RBFOX1: variants seen among roughly 807,000 people sequenced by gnomAD.
RBFOX1 encodes RNA binding fox-1 homolog 1.
RBFOX1 carries 8 observed loss-of-function variants against 57.7 expected under a neutral mutation model. The observed-to-expected ratio is 0.14, with a 90% confidence interval of 0.08 to 0.25. The LOEUF is 0.25. RBFOX1 is among the 10% of genes least tolerant of loss of function. The pLI, the probability that RBFOX1 is intolerant of heterozygous loss-of-function variation, is 1.00. For synonymous variants in RBFOX1, 326 were observed against 222.4 expected (o/e 1.47, Z -4.15); for missense variants, 611 against 548.5 (o/e 1.11, Z -1.14).
At chr16:5,997,367 CTT>C (rs1235473402) in intron 4 of RBFOX1, among the ~76,000 whole-genome samples, 2 of 152,182 alleles carry the variant, frequency 1.3e-5, no homozygotes, top group African/African-American at 2.4e-5. Flanking sequence ...TTGGTTTAGA[CTT>C]GAGTCTGAAA....
intron 3 of RBFOX1, among the ~76,000 whole-genome samples, chr16:7,026,291 C>T (rs1425162548): frequency 1.3e-5 from 2 of 152,164 alleles, no homozygotes; most frequent in Non-Finnish European, 2.9e-5. Context: ...TGGAGATTGC[C>T]ACCAGGCCAT....
At chr16:6,861,609 A>C (rs989772395) in intron 3 of RBFOX1, among the ~76,000 whole-genome samples, 2 of 151,926 alleles carry the variant, frequency 1.3e-5, no homozygotes, top group Non-Finnish European at 2.9e-5. Context: ...GTTCCAGTAA[A>C]CAGCCTCTAC....
rs182239924 is a variant in RBFOX1, at chr16:7,043,841, C to G, written c.-15-8216C>G. Among the ~76,000 whole-genome samples, 28 of 152,368 alleles carry G rather than the reference C, an allele frequency of 1.8e-4. 1 individual carries two copies. The highest frequency in any genetic ancestry group is 3.4e-3 in the Middle Eastern group (1 of 294). On this transcript the variant is annotated intron_variant, in intron 3 of 15. Coordinates refer to ENST00000550418, the MANE Select transcript of RBFOX1 (RefSeq NM_018723.4). ...TATTCAATTACTGCACTTCCATAAT[C>G]TCACTGAGCTTTCCACACATCCTCC...
At chr16:7,153,307 T>G (rs940152226) in intron 4 of RBFOX1, among the ~76,000 whole-genome samples, 1 of 152,216 alleles carries the variant, frequency 6.6e-6, no homozygotes, top group Non-Finnish European at 1.5e-5. Flanking sequence ...TTTATTGATT[T>G]ATTTCATTTG....
chr16:5,817,387 G>A (rs983132333), intron 3 of RBFOX1, among the ~76,000 whole-genome samples: 37 of 152,182 alleles, frequency 2.4e-4, no homozygotes, highest in Non-Finnish European at 4.4e-4. Flanking sequence ...TCCCATTCGT[G>A]GTTGGAGTTT....
chr16:6,442,820 G>T (rs1268583530), intron 2 of RBFOX1, among the ~76,000 whole-genome samples: 1 of 152,226 alleles, frequency 6.6e-6, no homozygotes, highest in African/African-American at 2.4e-5. Flanking sequence ...CAAGGGAGTA[G>T]TCAGATTCAT....
chr16:6,252,514 G>A (rs886832584), intron 1 of RBFOX1, among the ~76,000 whole-genome samples: 6 of 151,516 alleles, frequency 4.0e-5, no homozygotes, highest in Non-Finnish European at 8.8e-5. Flanking sequence ...AATTGAGTTG[G>A]GAAGTCGACC....
chr16:5,799,348 A>T (rs1344028755), intron 3 of RBFOX1, among the ~76,000 whole-genome samples: 1 of 152,136 alleles, frequency 6.6e-6, no homozygotes, highest in Non-Finnish European at 1.5e-5. Context: ...ACATAGCCAA[A>T]CCATATCAAG....
chr16:6,879,730 C>A (rs996486923), intron 3 of RBFOX1, among the ~76,000 whole-genome samples: 3 of 152,112 alleles, frequency 2.0e-5, no homozygotes, highest in African/African-American at 7.2e-5. Flanking sequence ...TAAATTCTAC[C>A]TCTGGATCCT....
intron 4 of RBFOX1, among the ~76,000 whole-genome samples, chr16:7,081,533 G>A (rs776622759): frequency 3.3e-5 from 5 of 152,124 alleles, no homozygotes; most frequent in Non-Finnish European, 7.4e-5. Context: ...CACTAATGAT[G>A]GGAATGAGAG....
At chr16:7,198,867 G>C (rs1165445824) in intron 4 of RBFOX1, among the ~76,000 whole-genome samples, 1 of 152,200 alleles carries the variant, frequency 6.6e-6, no homozygotes, top group Non-Finnish European at 1.5e-5. Context: ...CACTATCAGA[G>C]GCAAAATATA....
chr16:6,355,286 C>T (rs1162450498), intron 2 of RBFOX1, among the ~76,000 whole-genome samples: 3 of 151,888 alleles, frequency 2.0e-5, no homozygotes, highest in East Asian at 1.9e-4. Context: ...ACTCCCCCAG[C>T]CCCCCAGCCC....
intron 3 of RBFOX1, among the ~76,000 whole-genome samples, chr16:5,664,124 T>A (rs948477095): frequency 6.6e-6 from 1 of 152,240 alleles, no homozygotes; most frequent in Non-Finnish European, 1.5e-5. Flanking sequence ...ATAGCTGCTG[T>A]GTCTGCTTCA....
At chr16:7,033,476 C>T (rs894005396) in intron 3 of RBFOX1, among the ~76,000 whole-genome samples, 19 of 152,198 alleles carry the variant, frequency 1.2e-4, no homozygotes, top group East Asian at 3.9e-4. Flanking sequence ...GCCAAGATTG[C>T]GCCACTGCAG....
chr16:7,356,837 A>T (rs76213335), intron 4 of RBFOX1, among the ~76,000 whole-genome samples: 1 of 152,176 alleles, frequency 6.6e-6, no homozygotes, highest in Non-Finnish European at 1.5e-5. Context: ...TGGACTTACT[A>T]TTATGCGTAG....
At chr16:6,744,455 A>G (rs904596400) in intron 3 of RBFOX1, among the ~76,000 whole-genome samples, 3 of 151,902 alleles carry the variant, frequency 2.0e-5, no homozygotes, top group East Asian at 3.8e-4. Context: ...GGGCTGAACT[A>G]TTTTTTTTAA....
At chr16:6,164,580 C>T (rs2096902751) in intron 1 of RBFOX1, among the ~76,000 whole-genome samples, 1 of 151,582 alleles carries the variant, frequency 6.6e-6, no homozygotes, top group Non-Finnish European at 1.5e-5. Context: ...GATTCTCATG[C>T]CTCAGCCTCC....
intron 2 of RBFOX1, among the ~76,000 whole-genome samples, chr16:6,621,615 G>A (rs2098233419): frequency 6.6e-6 from 1 of 152,176 alleles, no homozygotes; most frequent in Non-Finnish European, 1.5e-5. Context: ...ACTAGGAAGT[G>A]GGCATATCTT....
Position 6,824,894 on chromosome 16 carries a change from G to A in RBFOX1, c.-16+170244G>A, listed in dbSNP as rs867530496. Among the ~76,000 whole-genome samples, 6 of 150,854 alleles carry A rather than the reference G, an allele frequency of 4.0e-5. No homozygotes were observed. The East Asian group carries it at 7.8e-4, about 20-fold the overall frequency. ...GAAATAATTGAAAGTGGTATTGTTGGGTTCCTGCCATCTTCCCTAGAGGCA... is the reference window on the plus strand; with the variant it reads ...GAAATAATTGAAAGTGGTATTGTTGAGTTCCTGCCATCTTCCCTAGAGGCA... On this transcript the variant is annotated intron_variant, in intron 3 of 15. Transcript: ENST00000550418.
Sources: gnomAD v4.1 joint callset for allele counts (sites outside exome capture counted in the v4.1 genomes callset) on GRCh38, gnomAD v4.1.1 for gene constraint, MANE v1.5 for transcripts, NCBI Gene and HGNC (gene_info 2026-07-23, HGNC 2026-07-21) for gene names.